The following CENPQ variants were observed in gnomAD, a reference collection of about 807,000 sequenced individuals.
CENPQ encodes the protein chromosome 6 open reading frame 139.
Under a neutral mutation model 36.6 loss-of-function variants are expected in CENPQ, and 27 were observed. The ratio of observed to expected loss-of-function variants is 0.74; its 90% CI spans 0.54 to 1.02. CENPQ has a LOEUF of 1.02. CENPQ is among the 50% of genes least tolerant of loss of function. CENPQ has a pLI of 0.00. For synonymous variants in CENPQ, 101 were observed against 101.7 expected, an observed-to-expected ratio of 0.99 and a Z score of 0.04; for missense variants, 306 against 301.8, an observed-to-expected ratio of 1.01 and a Z score of -0.10.
chr6:49,492,352 T>C lies in CENPQ; in HGVS notation c.*77T>C, dbSNP rs1768743677. 18 of 1,294,172 alleles carry C rather than the reference T, an allele frequency of 1.4e-5. No individual in the cohort carries two copies. The South Asian group carries it at 2.6e-4, about 18-fold the overall frequency. 80.2% of individuals were successfully genotyped at this position (1,294,172 alleles called of 1,614,324 possible). ...GTAAAACTGTTAACCTATGATTATA[T>C]GTACAGAGGCTAAGGCTTCTGCAGG... On this transcript the variant is annotated 3_prime_UTR_variant, in exon 9 of 9. Transcript: ENST00000335783.
At position 49,492,126 on chromosome 6, in the gene CENPQ, A is replaced by C; in HGVS notation, c.676-18A>C. 1.3e-6 allele frequency: 2 copies of C among 1,583,776 alleles called. No homozygotes were observed. Among genetic ancestry groups the C allele is most frequent in the Non-Finnish European group, 8.6e-7 (1 of 1,164,824 alleles). ...AATAAAATGTTAACAACTACATTTAATACTATCTTTCCCACAGAAAGAAAT... is the reference window on the plus strand; with the variant it reads ...AATAAAATGTTAACAACTACATTTACTACTATCTTTCCCACAGAAAGAAAT... On this transcript the variant is annotated intron_variant, in intron 8 of 8. Transcript: ENST00000335783.
chr6:49,481,155 CA>C, intron 6 of CENPQ, 75 bp downstream of exon 6: 1 of 1,227,504 alleles, frequency 8.1e-7, no homozygotes, highest in East Asian at 2.5e-5. Context: ...TTAAAATTAT[CA>C]TGATGTTCTT....
At chr6:49,488,730 G>A in intron 8 of CENPQ, 46 bp downstream of exon 8, 1 of 1,497,498 alleles carries the variant, frequency 6.7e-7, no homozygotes, top group Non-Finnish European at 9.3e-7. Flanking sequence ...CTTTAGAGAT[G>A]TTGCAAATTT....
chr6:49,488,696 T>G lies in CENPQ; in HGVS notation c.675+12T>G, dbSNP rs1768649444. The G allele has an allele frequency of 6.3e-7, 1 of 1,599,376 alleles. No homozygotes were observed. The highest frequency in any genetic ancestry group is 1.3e-5 in the African/African-American group (1 of 74,572). Reference sequence around the variant, plus strand: ...CACCCACACTTCAGGTAAGTGCCTATTTACCATATTGATTACAGGCATACT... The same window carrying G: ...CACCCACACTTCAGGTAAGTGCCTAGTTACCATATTGATTACAGGCATACT... On this transcript the variant is annotated intron_variant, in intron 8 of 8. Transcript: ENST00000335783.
In CENPQ at chr6:49,492,318, C is replaced by G. The variant is rs766685297; in HGVS notation, c.*43C>G. ...GATTGTTCCATATTAATTTAATGTTCGTGAATTTGTAAAACTGTTAACCTA... is the reference window on the plus strand; with the variant it reads ...GATTGTTCCATATTAATTTAATGTTGGTGAATTTGTAAAACTGTTAACCTA... On this transcript the variant is annotated 3_prime_UTR_variant, in exon 9 of 9. Coordinates refer to ENST00000335783, the MANE Select transcript of CENPQ (RefSeq NM_018132.4). 2 of 1,504,572 alleles carry G rather than the reference C, an allele frequency of 1.3e-6. No individual in the cohort carries two copies. The highest frequency in any genetic ancestry group is 4.6e-5 in the East Asian group (2 of 43,632). 93.2% of individuals were successfully genotyped at this position (1,504,572 alleles called of 1,614,324 possible). A position where few individuals can be genotyped will look rare whatever the true frequency, so the allele number is the denominator to read the frequency against.
chr6:49,481,493 G>T (rs960462093), intron 6 of CENPQ, among the ~76,000 whole-genome samples: 2 of 152,168 alleles, frequency 1.3e-5, no homozygotes, highest in Non-Finnish European at 2.9e-5. Context: ...CATAAAGGCA[G>T]TGTGGACCCA....
At chr6:49,474,260 G>T (rs1196819931) in intron 5 of CENPQ, among the ~76,000 whole-genome samples, 3 of 152,068 alleles carry the variant, frequency 2.0e-5, no homozygotes, top group African/African-American at 7.2e-5. Context: ...TGACCACATA[G>T]TTGGAAGTGA....
chr6:49,489,910 G>A lies in CENPQ; in HGVS notation c.675+1226G>A, dbSNP rs528168217. On this transcript the variant is annotated intron_variant, in intron 8 of 8. Transcript: ENST00000335783. ...AAGCCATGCTCTAAACAGTTGTACT[G>A]TCATCCAGGCTTTGTTGTTCCATTT... 5.4e-4 allele frequency among the ~76,000 whole-genome samples: 82 copies of A among 152,318 alleles called. 1 individual carries two copies. The highest frequency in any genetic ancestry group is 1.9e-3 in the African/African-American group (79 of 41,560).
At chr6:49,475,997 G>A (rs1768279808) in intron 5 of CENPQ, among the ~76,000 whole-genome samples, 1 of 152,028 alleles carries the variant, frequency 6.6e-6, no homozygotes, top group Middle Eastern at 3.2e-3. Context: ...TGGCCATACT[G>A]CCCAAGGTAA....
chr6:49,464,460 A>G (rs1329354994), intron 1 of CENPQ, among the ~76,000 whole-genome samples: 1 of 152,194 alleles, frequency 6.6e-6, no homozygotes, highest in African/African-American at 2.4e-5. Context: ...ATAACAAAAT[A>G]ATGAATTTTG....
chr6:49,479,598 A>G (rs1768382476), intron 5 of CENPQ, among the ~76,000 whole-genome samples: 1 of 152,180 alleles, frequency 6.6e-6, no homozygotes, highest in Non-Finnish European at 1.5e-5. Flanking sequence ...AAACAGAACT[A>G]CCATCCAACC....
In CENPQ at chr6:49,472,747, G is replaced by A. The variant is rs760286638; in HGVS notation, c.279-43G>A. ...AAAAAGTACAAAGAGTATATGATTTGTGCATCAGACTACTATTTATTCCAT... is the reference window on the plus strand; with the variant it reads ...AAAAAGTACAAAGAGTATATGATTTATGCATCAGACTACTATTTATTCCAT... On this transcript the variant is annotated intron_variant, in intron 4 of 8. Transcript: ENST00000335783. 9 of 1,373,884 alleles carry A rather than the reference G, an allele frequency of 6.6e-6. No homozygotes were observed. The Admixed American group carries it at 1.8e-4, about 27-fold the overall frequency. 85.1% of individuals were successfully genotyped at this position (1,373,884 alleles called of 1,614,324 possible). A position where few individuals can be genotyped will look rare whatever the true frequency, so the allele number is the denominator to read the frequency against.
chr6:49,479,355 A>G (rs1768376167), intron 5 of CENPQ, among the ~76,000 whole-genome samples: 1 of 152,168 alleles, frequency 6.6e-6, no homozygotes, highest in Non-Finnish European at 1.5e-5. Flanking sequence ...GAAAACATAC[A>G]TGCGGCCAAC....
chr6:49,468,252 G>A (rs1289478677), intron 1 of CENPQ, among the ~76,000 whole-genome samples: 1 of 151,922 alleles, frequency 6.6e-6, no homozygotes, highest in Admixed American at 6.6e-5. Context: ...TGGGGTTTCA[G>A]TTCCTCTCGG....
At chr6:49,470,679 CCT>C (rs1157721321) in intron 2 of CENPQ, among the ~76,000 whole-genome samples, 1 of 151,044 alleles carries the variant, frequency 6.6e-6, no homozygotes, top group Non-Finnish European at 1.5e-5. Context: ...TTAGGCAATG[CCT>C]ATATTTGTAT....
intron 5 of CENPQ, among the ~76,000 whole-genome samples, chr6:49,475,220 A>T (rs2127424987): frequency 6.6e-6 from 1 of 152,314 alleles, no homozygotes; most frequent in East Asian, 1.9e-4. Context: ...GCACATCAAA[A>T]AGCTTATCCA....
At chr6:49,472,718 A>T in intron 4 of CENPQ, 72 bp from the exon 5 acceptor site, 1 of 1,213,964 alleles carries the variant, frequency 8.2e-7, no homozygotes, top group Non-Finnish European at 1.1e-6. Context: ...GAGAAATCAG[A>T]GAGAAAAAGT....
At chr6:49,475,244 G>A (rs1305442372) in intron 5 of CENPQ, among the ~76,000 whole-genome samples, 7 of 152,056 alleles carry the variant, frequency 4.6e-5, no homozygotes, top group Non-Finnish European at 7.4e-5. Flanking sequence ...TGATCAAGTG[G>A]GCTTCATCCC....
At chr6:49,484,223 A>G (rs983591833) in intron 6 of CENPQ, among the ~76,000 whole-genome samples, 2 of 152,224 alleles carry the variant, frequency 1.3e-5, no homozygotes, top group Non-Finnish European at 2.9e-5. Flanking sequence ...GACTTAGAGT[A>G]TGACCTAAAT....
Sources: allele counts gnomAD v4.1 joint callset (sites outside exome capture counted in the v4.1 genomes callset), GRCh38; gene constraint gnomAD v4.1.1; transcripts MANE v1.5; gene names NCBI Gene and HGNC (gene_info 2026-07-23, HGNC 2026-07-21).